RBM6: variants seen among roughly 807,000 people sequenced by gnomAD.
RBM6 encodes RNA binding motif protein 6.
RBM6 carries 23 observed loss-of-function variants against 140.4 expected under a neutral mutation model. The ratio of observed to expected loss-of-function variants is 0.16; its 90% CI spans 0.12 to 0.23. RBM6 has a LOEUF of 0.23. RBM6 is among the 10% of genes least tolerant of loss of function. The pLI is 1.00. For missense variants in RBM6, 1,139 were observed against 1,386.7 expected (o/e 0.82, Z 2.84); for synonymous variants, 439 against 475.6 (o/e 0.92, Z 1.00).
At chr3:49,979,602 G>A (rs764063105) in intron 5 of RBM6, among the ~76,000 whole-genome samples, 6 of 151,906 alleles carry the variant, frequency 3.9e-5, no homozygotes, top group Non-Finnish European at 7.4e-5. Flanking sequence ...ACCACACCTG[G>A]CTAATTTTTT....
At chr3:50,022,165 C>T in intron 6 of RBM6, among the ~76,000 whole-genome samples, 1 of 152,110 alleles carries the variant, frequency 6.6e-6, no homozygotes, top group Non-Finnish European at 1.5e-5. Context: ...GAGCACTTGT[C>T]TCCCCTGCCT....
intron 5 of RBM6, among the ~76,000 whole-genome samples, chr3:49,979,947 A>G (rs147085831): frequency 4.9e-4 from 75 of 152,150 alleles, no homozygotes; most frequent in Non-Finnish European, 3.2e-4. Flanking sequence ...TGATGTATCA[A>G]TGTTAAATTC....
At chr3:49,995,149 A>G (rs950367827) in intron 5 of RBM6, among the ~76,000 whole-genome samples, 2 of 152,186 alleles carry the variant, frequency 1.3e-5, no homozygotes, top group African/African-American at 2.4e-5. Flanking sequence ...GGCTTTTATC[A>G]TAGATACATT....
At chr3:49,987,914 A>G (rs1233844997) in intron 5 of RBM6, among the ~76,000 whole-genome samples, 1 of 152,148 alleles carries the variant, frequency 6.6e-6, no homozygotes, top group African/African-American at 2.4e-5. Context: ...TGGGGATTAC[A>G]GGTATGAGCC....
chr3:50,034,159 T>G (rs932851778), intron 6 of RBM6, among the ~76,000 whole-genome samples: 1 of 151,348 alleles, frequency 6.6e-6, no homozygotes, highest in Non-Finnish European at 1.5e-5. Flanking sequence ...AATTTTTGTG[T>G]TTTTAGTAGA....
At chr3:49,956,928 G>A (rs1575541708) in intron 1 of RBM6, among the ~76,000 whole-genome samples, 1 of 152,290 alleles carries the variant, frequency 6.6e-6, no homozygotes, top group East Asian at 1.9e-4. Context: ...GCCTCCCAAA[G>A]TGCTGGGATT....
chr3:49,960,890 G>C (rs2084249871), intron 1 of RBM6, among the ~76,000 whole-genome samples: 1 of 147,590 alleles, frequency 6.8e-6, no homozygotes, highest in African/African-American at 2.5e-5. Flanking sequence ...ACATTGAAAA[G>C]TTTATGGTGC....
intron 5 of RBM6, among the ~76,000 whole-genome samples, chr3:49,984,648 ATCG>A (rs1349456650): frequency 2.0e-5 from 3 of 148,024 alleles, no homozygotes; most frequent in Non-Finnish European, 4.5e-5. Context: ...ATCGCATCGC[ATCG>A]CATCGCATCG....
chr3:50,067,186 C>CAAAAAAAAAAAAAAAA lies in RBM6; in HGVS notation c.2943+695_2943+710dup, dbSNP rs751552449. ...TGGGTGACAGACCAAGACTCTATCT[C>CAAAAAAAAAAAAAAAA]AAAAAAAAAAAAAAAAAAAAAAAAA... On this transcript the variant is annotated intron_variant, in intron 17 of 20. Transcript: ENST00000266022. Among the ~76,000 whole-genome samples the CAAAAAAAAAAAAAAAA allele has an allele frequency of 1.0e-4, 2 of 19,556 alleles. 1 individual carries two copies. Among genetic ancestry groups the CAAAAAAAAAAAAAAAA allele is most frequent in the Non-Finnish European group, 2.3e-4 (2 of 8,882 alleles). 12.8% of individuals were successfully genotyped at this position (19,556 alleles called of 152,430 possible).
At chr3:50,054,441 A>G (rs1271796403) in intron 8 of RBM6, 46 bp downstream of exon 8, 1 of 1,469,410 alleles carries the variant, frequency 6.8e-7, no homozygotes, top group Non-Finnish European at 9.5e-7. Context: ...GCATTGAGCA[A>G]AACAAATTTC....
intron 6 of RBM6, among the ~76,000 whole-genome samples, chr3:50,030,286 TAAAAAAAAAAA>T (rs57797585): frequency 3.9e-5 from 4 of 103,874 alleles, no homozygotes; most frequent in Admixed American, 2.2e-4. Context: ...CTTTTTGTCT[TAAAAAAAAAAA>T]AAAAAAAAAA....
At position 50,070,496 on chromosome 3, in the gene RBM6, C is replaced by A; in HGVS notation, c.3060C>A (p.Leu1020=). The change falls in exon 19 of 21, where the codon CTC becomes CTA. Residue 1020 remains leucine (L), a synonymous_variant. Coordinates refer to ENST00000266022, the MANE Select transcript of RBM6 (RefSeq NM_005777.3). The part of the protein sequence containing the change: ...KGRGNDRREK[L]QSFDSPERKR... The stretch of plus-strand genomic sequence containing the variant: ...GAGGAAATGATCGCAGGGAAAAGCT[C>A]CAGTCTTTTGACTCTCCAGAAAGGA... The A allele has an allele frequency of 6.2e-7, 1 of 1,614,062 alleles. No homozygotes were observed. The highest frequency in any genetic ancestry group is 1.1e-5 in the South Asian group (1 of 91,078).
In RBM6 at chr3:50,068,649, G is replaced by A; in HGVS notation, c.2944-41G>A. 2 of 1,586,036 alleles carry A rather than the reference G, an allele frequency of 1.3e-6. 1 individual carries two copies. Among genetic ancestry groups the A allele is most frequent in the South Asian group, 2.2e-5 (2 of 90,334 alleles). ...GCCTAGAAGCATCTCTAGGACCATT[G>A]TTTCTTAGACCTATACTCATAGAAT... is the stretch of plus-strand genomic sequence containing the variant. On this transcript the variant is annotated intron_variant, in intron 17 of 20. Coordinates refer to ENST00000266022, the MANE Select transcript of RBM6 (RefSeq NM_005777.3).
intron 1 of RBM6, 132 bp from the exon 2 acceptor site, chr3:49,962,439 AAAAAG>A (rs1365640612): frequency 1.6e-5 from 9 of 564,086 alleles, no homozygotes; most frequent in Non-Finnish European, 2.8e-5. Context: ...CTCAAAAAAA[AAAAAG>A]AAAAGAAAGA....
chr3:50,037,013 T>C (rs181762042), intron 6 of RBM6, among the ~76,000 whole-genome samples: 18 of 152,200 alleles, frequency 1.2e-4, no homozygotes, highest in Non-Finnish European at 1.8e-4. Flanking sequence ...CTCGATCTCT[T>C]GACCTCGTGA....
In RBM6 at chr3:50,062,438, A is replaced by C. The variant is rs1375975577; in HGVS notation, c.2586+330A>C. On this transcript the variant is annotated intron_variant, in intron 15 of 20. Coordinates refer to ENST00000266022, the MANE Select transcript of RBM6 (RefSeq NM_005777.3). ...AGAATTGCTTGAACCCTGGAGGCAG[A>C]GGTTGCAGTGAGCCGAGATCGCGCC... Among the ~76,000 whole-genome samples the C allele has an allele frequency of 2.0e-5, 3 of 150,934 alleles. No homozygotes were observed. The East Asian group carries it at 5.9e-4, about 30-fold the overall frequency.
At chr3:50,012,900 G>A (rs1467088393) in intron 6 of RBM6, among the ~76,000 whole-genome samples, 1 of 151,792 alleles carries the variant, frequency 6.6e-6, no homozygotes, top group Non-Finnish European at 1.5e-5. Flanking sequence ...GCGCCACCAC[G>A]CCTGGCTAAT....
chr3:50,069,211 TGGTTAA>T (rs1323076089), intron 18 of RBM6, among the ~76,000 whole-genome samples: 1 of 152,160 alleles, frequency 6.6e-6, no homozygotes, highest in East Asian at 1.9e-4. Context: ...TCTCTCATGA[TGGTTAA>T]GAACCCACCT....
chr3:49,959,316 G>C (rs1221790597), intron 1 of RBM6, among the ~76,000 whole-genome samples: 2 of 148,788 alleles, frequency 1.3e-5, no homozygotes, highest in Non-Finnish European at 3.0e-5. Flanking sequence ...AGCCTCGTGA[G>C]TAGCTGGGAC....
Sources: gnomAD v4.1 joint callset for allele counts (sites outside exome capture counted in the v4.1 genomes callset) on GRCh38, gnomAD v4.1.1 for gene constraint, MANE v1.5 for transcripts, NCBI Gene and HGNC (gene_info 2026-07-23, HGNC 2026-07-21) for gene names.